The following CLMP variants were observed in gnomAD, a reference collection of about 807,000 sequenced individuals.
The protein encoded by CLMP is CXADR like cell adhesion molecule, also known as CXADR-like membrane protein.
A neutral mutation model predicts 45.2 loss-of-function variants in CLMP; 27 were observed. The observed-to-expected ratio is 0.60, with a 90% CI of 0.44 to 0.82. CLMP has a LOEUF of 0.82. CLMP is among the 40% of genes least tolerant of loss of function. The probability of loss-of-function intolerance (pLI) is 0.00; values close to 1 mark genes in which losing one functional copy is unlikely to be tolerated. For synonymous variants in CLMP, 167 were observed against 171.4 expected, an observed-to-expected ratio of 0.97 and a Z score of 0.20; for missense variants, 403 against 448.4, an observed-to-expected ratio of 0.90 and a Z score of 0.91.
chr11:123,133,579 C>T (rs931851279), intron 1 of CLMP, among the ~76,000 whole-genome samples: 3 of 152,144 alleles, frequency 2.0e-5, no homozygotes, highest in African/African-American at 7.2e-5. Flanking sequence ...CTACAAAACC[C>T]CATTGTAGTA....
intron 1 of CLMP, among the ~76,000 whole-genome samples, chr11:123,161,443 G>A (rs1861486282): frequency 6.6e-6 from 1 of 151,998 alleles, no homozygotes; most frequent in South Asian, 2.1e-4. Flanking sequence ...AAGGTGAGTG[G>A]ACTGCTTGAG....
intron 1 of CLMP, among the ~76,000 whole-genome samples, chr11:123,180,153 C>A (rs1861750542): frequency 6.6e-6 from 1 of 152,214 alleles, no homozygotes; most frequent in Admixed American, 6.5e-5. Flanking sequence ...ACATGAGCAT[C>A]TCTGTGTCAG....
chr11:123,082,860 C>G (rs12222562), intron 5 of CLMP, among the ~76,000 whole-genome samples: 51,892 of 151,578 alleles, frequency 0.34, 10,156 homozygotes, highest in East Asian at 0.58. Flanking sequence ...GCCCACCTGG[C>G]CCTCCCAAAG....
In CLMP at chr11:123,153,047, A is replaced by G. The variant is rs192320436; in HGVS notation, c.28+41866T>C. ...TTTTTCCTAAAGGTTTCCTTAGGAA[A>G]CAACATCTCTTGCCATGGAACACAT... On this transcript the variant is annotated intron_variant, in intron 1 of 6. Transcript: ENST00000448775. Among the ~76,000 whole-genome samples, 4 of 152,322 alleles carry G rather than the reference A, an allele frequency of 2.6e-5. No homozygotes were observed. The East Asian group carries it at 7.7e-4, about 29-fold the overall frequency.
chr11:123,141,431 G>A (rs536601328), intron 1 of CLMP, among the ~76,000 whole-genome samples: 10 of 152,038 alleles, frequency 6.6e-5, no homozygotes, highest in East Asian at 1.9e-4. Flanking sequence ...TGATCCACCC[G>A]CCTTGGCCTC....
At chr11:123,182,317 T>C (rs1403487742) in intron 1 of CLMP, among the ~76,000 whole-genome samples, 1 of 152,236 alleles carries the variant, frequency 6.6e-6, no homozygotes. Context: ...CCATCACTTC[T>C]GTTTCCATCC....
At chr11:123,149,813 T>TTC (rs1394554952) in intron 1 of CLMP, among the ~76,000 whole-genome samples, 5 of 148,326 alleles carry the variant, frequency 3.4e-5, no homozygotes, top group African/African-American at 1.3e-4. Context: ...CTTTGTTTCT[T>TTC]TCTCTCTTTT....
chr11:123,185,646 G>T (rs956601442), intron 1 of CLMP, among the ~76,000 whole-genome samples: 1 of 152,182 alleles, frequency 6.6e-6, no homozygotes, highest in Non-Finnish European at 1.5e-5. Context: ...CTCCCCCAGG[G>T]GAAGGCAGAT....
chr11:123,086,320 C>T (rs902981181), intron 2 of CLMP, among the ~76,000 whole-genome samples: 11 of 152,136 alleles, frequency 7.2e-5, no homozygotes, highest in African/African-American at 2.2e-4. Context: ...AGGAGAGTGT[C>T]CCAGACAAGT....
rs1298823630 is a variant in CLMP, at chr11:123,073,508, A to T, written c.1088T>A (p.Ile363Asn). Residue 363 changes from isoleucine (I) to asparagine (N), a missense_variant, in exon 7 of 7, where the codon ATC becomes AAC. By Grantham distance (149) the Ile-to-Asn change is moderately radical (BLOSUM62 -3). Transcript: ENST00000448775. ...TTGGAAGGCTCTGCTCTGGCTGGGG[A>T]TCATGCTGGGTGTGGTTTCTGCTTT... Reference protein sequence around the residue: ...LTKAETTPSMIPSQSRAFQTV With the variant: ...LTKAETTPSMNPSQSRAFQTV The T allele has an allele frequency of 5.0e-6, 8 of 1,613,844 alleles. No homozygotes were observed. The Admixed American group carries it at 1.2e-4, about 24-fold the overall frequency.
intron 1 of CLMP, among the ~76,000 whole-genome samples, chr11:123,144,440 C>T (rs540323476): frequency 3.7e-4 from 56 of 152,268 alleles, no homozygotes; most frequent in East Asian, 9.7e-4. Flanking sequence ...GGTGCAATCT[C>T]GGCTCACTGC....
At chr11:123,118,981 CTTTCTTTCTTTCTT>C (rs1565387850) in intron 1 of CLMP, among the ~76,000 whole-genome samples, 7 of 50,284 alleles carry the variant, frequency 1.4e-4, no homozygotes, top group East Asian at 5.7e-4. Flanking sequence ...TTCTTTCTTT[CTTTCTTTCTTTCTT>C]TCTTTCTCTC....
rs190448342 is a variant in CLMP at position 123,082,175 on chromosome 11, C to A, written c.679+910G>T. ...ATCTACTTGCCTAGAATGGTAGTGG[C>A]ATATAACTAACTAGCTGCACGGTTT... On this transcript the variant is annotated intron_variant, in intron 5 of 6. Coordinates refer to ENST00000448775, the MANE Select transcript of CLMP (RefSeq NM_024769.5). Among the ~76,000 whole-genome samples the A allele has an allele frequency of 1.0e-3, 158 of 152,332 alleles. 2 individuals carry two copies. The highest frequency in any genetic ancestry group is 3.7e-3 in the African/African-American group (153 of 41,588).
At chr11:123,074,365 A>G (rs547271996) in intron 6 of CLMP, among the ~76,000 whole-genome samples, 17 of 151,848 alleles carry the variant, frequency 1.1e-4, no homozygotes, top group Admixed American at 1.1e-3. Flanking sequence ...TTTCTTTTGT[A>G]AAGATGGAGT....
chr11:123,157,357 T>G (rs1861428351), intron 1 of CLMP, among the ~76,000 whole-genome samples: 1 of 151,940 alleles, frequency 6.6e-6, no homozygotes, highest in Non-Finnish European at 1.5e-5. Flanking sequence ...GAATTCGAAA[T>G]CTGCCTGGCC....
At chr11:123,150,512 G>GAAAGAAAGC (rs1555084586) in intron 1 of CLMP, among the ~76,000 whole-genome samples, 1 of 128,170 alleles carries the variant, frequency 7.8e-6, no homozygotes, top group Admixed American at 7.8e-5. Flanking sequence ...AGGAAGGAAG[G>GAAAGAAAGC]AAGGAAGGAA....
At chr11:123,094,610 C>T (rs1450683957) in intron 2 of CLMP, among the ~76,000 whole-genome samples, 1 of 152,152 alleles carries the variant, frequency 6.6e-6, no homozygotes, top group East Asian at 1.9e-4. Context: ...GTTGCTCAGG[C>T]CATCTGGAAC....
chr11:123,130,375 C>T (rs1860967905), intron 1 of CLMP, among the ~76,000 whole-genome samples: 1 of 152,086 alleles, frequency 6.6e-6, no homozygotes, highest in Non-Finnish European at 1.5e-5. Flanking sequence ...CCAGGACCAT[C>T]AAGGCTTTGC....
At chr11:123,137,147 C>CTTTTTTTTTTT (rs375816483) in intron 1 of CLMP, among the ~76,000 whole-genome samples, 3 of 82,460 alleles carry the variant, frequency 3.6e-5, no homozygotes, top group African/African-American at 5.1e-5. Context: ...TTTTCTTTTT[C>CTTTTTTTTTTT]TTTTTTTTTT....
Sources: gnomAD v4.1 joint callset for allele counts (sites outside exome capture counted in the v4.1 genomes callset) on GRCh38, gnomAD v4.1.1 for gene constraint, MANE v1.5 for transcripts, NCBI Gene and HGNC (gene_info 2026-07-23, HGNC 2026-07-21) for gene names.